The following SLC11A2 variants were observed in gnomAD, a reference collection of about 807,000 sequenced individuals.
The protein encoded by SLC11A2 is natural resistance-associated macrophage protein 2.
In SLC11A2, 38 loss-of-function variants were observed where a neutral mutation model predicts 68.0. That is an observed-to-expected ratio of 0.56 (90% confidence interval 0.43 to 0.73). The LOEUF is 0.73. SLC11A2 is among the 30% of genes least tolerant of loss of function. SLC11A2 has a pLI of 0.00. For synonymous variants in SLC11A2, 242 were observed against 250.6 expected, an observed-to-expected ratio of 0.97 and a Z score of 0.32; for missense variants, 517 against 690.5, an observed-to-expected ratio of 0.75 and a Z score of 2.82.
rs2136164394 is a variant in SLC11A2 at position 50,988,183 on chromosome 12, T to C, written c.*142A>G. 1.3e-6 allele frequency: 2 copies of C among 1,543,824 alleles called. No homozygotes were observed. Among genetic ancestry groups the C allele is most frequent in the East Asian group, 4.9e-5 (2 of 40,844 alleles). On this transcript the variant is annotated 3_prime_UTR_variant, in exon 16 of 16. Coordinates refer to ENST00000262052, the MANE Select transcript of SLC11A2 (RefSeq NM_000617.3). The stretch of plus-strand genomic sequence containing the variant: ...AATAATTCCATCTTTCAAATACACA[T>C]GAAACAAAGTCTTTTCCAACCAACG...
At chr12:50,997,742 C>G (rs562626665) in intron 8 of SLC11A2, among the ~76,000 whole-genome samples, 1 of 144,722 alleles carries the variant, frequency 6.9e-6, no homozygotes, top group Non-Finnish European at 1.5e-5. Flanking sequence ...AATCCTAGCA[C>G]TTTAGCAGGT....
chr12:50,987,731 A>T lies in SLC11A2; in HGVS notation c.*594T>A. ...CTTCTTTGTTTTCTCACCCCTCTTA[A>T]CTTCCACTGAGAAATTAAAGTGGAA... On this transcript the variant is annotated 3_prime_UTR_variant, in exon 16 of 16. Coordinates refer to ENST00000262052, the MANE Select transcript of SLC11A2 (RefSeq NM_000617.3). 1 of 1,287,098 alleles carries T rather than the reference A, an allele frequency of 7.8e-7. No individual in the cohort carries two copies. The highest frequency in any genetic ancestry group is 1.0e-6 in the Non-Finnish European group (1 of 988,628). 79.7% of individuals were successfully genotyped at this position (1,287,098 alleles called of 1,614,324 possible).
intron 1 of SLC11A2, among the ~76,000 whole-genome samples, chr12:51,019,812 T>C (rs970412010): frequency 1.3e-5 from 2 of 150,882 alleles, no homozygotes; most frequent in African/African-American, 4.9e-5. Context: ...GCCCTGCCAA[T>C]TTTTGTATTT....
intron 1 of SLC11A2, chr12:51,024,522 C>CA (rs1026863055): frequency 3.3e-5 from 5 of 152,216 alleles, no homozygotes; most frequent in East Asian, 3.9e-4. Flanking sequence ...ACTAAAAATA[C>CA]AAAAAAAATT....
At chr12:51,012,381 TTC>T (rs1462179309) in intron 1 of SLC11A2, among the ~76,000 whole-genome samples, 1 of 152,224 alleles carries the variant, frequency 6.6e-6, no homozygotes, top group African/African-American at 2.4e-5. Context: ...TCTTATCTAC[TTC>T]TCAGTTGATT....
chr12:50,999,433 T>TA lies in SLC11A2; in HGVS notation c.537-19dup. 1 of 1,589,630 alleles carries TA rather than the reference T, an allele frequency of 6.3e-7. No homozygotes were observed. The highest frequency in any genetic ancestry group is 8.6e-7 in the Non-Finnish European group (1 of 1,157,784). On this transcript the variant is annotated intron_variant, in intron 6 of 15. Coordinates refer to ENST00000262052, the MANE Select transcript of SLC11A2 (RefSeq NM_000617.3). ...GAGGAATTCTAGGTCAGAGATGAGA[T>TA]ATGGAAGTCAGAGAGACGGAAAGAA...
intron 1 of SLC11A2, among the ~76,000 whole-genome samples, chr12:51,025,353 C>T (rs1195474061): frequency 6.6e-6 from 1 of 152,204 alleles, no homozygotes; most frequent in East Asian, 1.9e-4. Context: ...CCCTGTAAGA[C>T]TGATATTATC....
At chr12:51,000,258 C>T in intron 6 of SLC11A2, 55 bp downstream of exon 6, 1 of 1,295,400 alleles carries the variant, frequency 7.7e-7, no homozygotes, top group South Asian at 1.2e-5. Flanking sequence ...TTGTTTTTAT[C>T]TCTGCTTGGA....
At chr12:50,970,485 C>T in the SLC11A2 span, 2 of 1,534,160 alleles carry the variant, frequency 1.3e-6, no homozygotes, top group Non-Finnish European at 1.8e-6. Flanking sequence ...GACCACGATT[C>T]TTCAGTGAGT....
At chr12:51,024,548 G>C (rs1461293811) in intron 1 of SLC11A2, 1 of 152,672 alleles carries the variant, frequency 6.5e-6, no homozygotes, top group African/African-American at 2.4e-5. Flanking sequence ...GGCATCAAGA[G>C]GCTGAGGCAG....
At chr12:50,992,121 T>C in intron 13 of SLC11A2, 69 bp downstream of exon 13, 2 of 1,512,254 alleles carry the variant, frequency 1.3e-6, no homozygotes, top group Non-Finnish European at 1.8e-6. Context: ...TCAGCTAGGC[T>C]TGGTACCCAA....
the SLC11A2 span, among the ~76,000 whole-genome samples, chr12:50,971,290 A>G: frequency 2.6e-5 from 4 of 152,232 alleles, no homozygotes; most frequent in African/African-American, 9.6e-5. Context: ...ATGGGTAATA[A>G]TGACATCAGA....
rs869230009 is a variant in SLC11A2, at chr12:50,992,744, A to AAAG, written c.1197+63_1197+65dup. 1.1e-3 allele frequency: 1,132 copies of AAAG among 1,015,822 alleles called. 4 individuals carry two copies. The highest frequency in any genetic ancestry group is 1.6e-3 in the Middle Eastern group (5 of 3,194). 62.9% of individuals were successfully genotyped at this position (1,015,822 alleles called of 1,614,324 possible). On this transcript the variant is annotated intron_variant, in intron 12 of 15. Transcript: ENST00000262052. ...AGACTCCATCTCAAAAAAAAAAAAA[A>AAAG]AAGAAGAAGAAGAAGAAGTAACAAA...
chr12:51,016,353 C>G (rs1052627691), intron 1 of SLC11A2, among the ~76,000 whole-genome samples: 1 of 151,708 alleles, frequency 6.6e-6, no homozygotes, highest in Non-Finnish European at 1.5e-5. Context: ...TCGAGACCAG[C>G]CTGGCCAATA....
At chr12:51,027,837 T>A (rs3809320), upstream of SLC11A2, among the ~76,000 whole-genome samples, 10,684 of 138,266 alleles carry the variant, frequency 0.077, 727 homozygotes, top group East Asian at 0.3. Flanking sequence ...GACCAAGAAA[T>A]GAGGAAAGGA....
At chr12:50,992,958 T>C (rs775167163) in intron 11 of SLC11A2, 29 bp from the exon 12 acceptor site, 5 of 1,613,358 alleles carry the variant, frequency 3.1e-6, no homozygotes, top group Non-Finnish European at 4.2e-6. Flanking sequence ...AAGGATATGA[T>C]TGTGGCAATA....
intron 4 of SLC11A2, 104 bp downstream of exon 4, chr12:51,005,207 T>A: frequency 8.1e-7 from 1 of 1,234,206 alleles, no homozygotes; most frequent in Non-Finnish European, 1.2e-6. Context: ...CAATGAAGTA[T>A]CTGCATGTAG....
chr12:50,984,266 G>A (rs1483821111), downstream of SLC11A2, among the ~76,000 whole-genome samples: 2 of 152,138 alleles, frequency 1.3e-5, no homozygotes, highest in East Asian at 1.9e-4. Context: ...AGACAGATTA[G>A]ACCAAATGAT....
Position 50,988,396 on chromosome 12 carries a change from C to T in SLC11A2, c.1615G>A (p.Asp539Asn). Residue 539 changes from aspartate to asparagine, a missense_variant, in exon 16 of 16, where the codon GAC (aspartate) becomes AAC (asparagine). Asp to Asn is a conservative substitution (Grantham distance 23). Transcript: ENST00000262052. ...CLIALGMSFLDCGHTVSISKG... is the reference protein window; with the variant it reads ...CLIALGMSFLNCGHTVSISKG... ...GAGATGCTTACCGTATGCCCACAGT[C>T]CAGGAAGGACATGCCCAGTGCAATC... 6.2e-7 allele frequency: 1 copy of T among 1,614,032 alleles called. No individual in the cohort carries two copies. The highest frequency in any genetic ancestry group is 8.5e-7 in the Non-Finnish European group (1 of 1,179,932).
Sources: allele counts gnomAD v4.1 joint callset (sites outside exome capture counted in the v4.1 genomes callset), GRCh38; gene constraint gnomAD v4.1.1; transcripts MANE v1.5; gene names NCBI Gene and HGNC (gene_info 2026-07-23, HGNC 2026-07-21).